SLC9C2: variants seen among roughly 807,000 people sequenced by gnomAD.
SLC9C2 encodes solute carrier family 9 member C2 (putative).
In SLC9C2, 75 loss-of-function variants were observed where a neutral mutation model predicts 140.2. The ratio of observed to expected loss-of-function variants is 0.53; its 90% CI spans 0.44 to 0.65. The LOEUF is 0.65. Among genes scored for constraint, SLC9C2 ranks in the 30% least tolerant of loss-of-function variants. SLC9C2 has a pLI of 0.00. For synonymous variants in SLC9C2, 375 were observed against 420.9 expected (o/e 0.89, Z 1.34); for missense variants, 1,074 against 1,331.8 (o/e 0.81, Z 3.01).
At position 173,537,592 on chromosome 1, in the gene SLC9C2, G is replaced by A. The variant is rs1458820447; in HGVS notation, c.1558-553C>T. ...TTTATATGTGTGTGTGTATATATAT[G>A]TGTGTGTATATATATGTATATATAT... On this transcript the variant is annotated intron_variant, in intron 13 of 27. Transcript: ENST00000367714. Among the ~76,000 whole-genome samples the A allele has an allele frequency of 6.9e-5, 9 of 130,308 alleles. No homozygotes were observed. In the Admixed American group the frequency reaches 7.0e-4, roughly 10 times the overall value. 85.5% of individuals were successfully genotyped at this position (130,308 alleles called of 152,430 possible).
chr1:173,590,135 C>T (rs1278907805), intron 4 of SLC9C2, among the ~76,000 whole-genome samples: 3 of 151,216 alleles, frequency 2.0e-5, no homozygotes, highest in Non-Finnish European at 4.4e-5. Flanking sequence ...CCTAGCTGCT[C>T]AGGAGGCTGA....
At chr1:173,523,710 A>G (rs577871079) in intron 21 of SLC9C2, among the ~76,000 whole-genome samples, 2 of 152,370 alleles carry the variant, frequency 1.3e-5, no homozygotes, top group South Asian at 2.1e-4. Context: ...GAACTCTACA[A>G]CATAAAATAG....
chr1:173,599,615 C>CT (rs561361551), intron 3 of SLC9C2, among the ~76,000 whole-genome samples: 110 of 144,726 alleles, frequency 7.6e-4, no homozygotes, highest in East Asian at 1.4e-3. Flanking sequence ...TTCTTTCCTT[C>CT]TTTTTTTTTT....
chr1:173,526,778 A>T (rs1661232940), intron 18 of SLC9C2, 64 bp from the exon 19 acceptor site: 1 of 1,125,148 alleles, frequency 8.9e-7, no homozygotes, highest in Non-Finnish European at 1.3e-6. Flanking sequence ...AGAAATTAAG[A>T]AAAACATGCA....
chr1:173,502,272 CAAAA>C (rs34183286), intron 27 of SLC9C2, among the ~76,000 whole-genome samples: 73 of 40,774 alleles, frequency 1.8e-3, no homozygotes, highest in Non-Finnish European at 2.8e-3. Context: ...GATTCCATCT[CAAAA>C]AAAAAAAAAA....
Position 173,501,013 on chromosome 1 carries a change from G to A in SLC9C2, c.*81C>T, listed in dbSNP as rs904414003. On this transcript the variant is annotated 3_prime_UTR_variant, in exon 28 of 28. Coordinates refer to ENST00000367714, the MANE Select transcript of SLC9C2 (RefSeq NM_178527.4). ...AGATAATCCTTTAGTATTTGAGCGAGGAAAGTAGTTTGGTCTTTAACCTGA... is the reference window on the plus strand; with the variant it reads ...AGATAATCCTTTAGTATTTGAGCGAAGAAAGTAGTTTGGTCTTTAACCTGA... 10 of 1,385,892 alleles carry A rather than the reference G, an allele frequency of 7.2e-6. No homozygotes were observed. The highest frequency in any genetic ancestry group is 9.5e-6 in the Non-Finnish European group (10 of 1,057,862). The allele number at this position is 1,385,892 out of a possible 1,614,324, so 85.8% of individuals were successfully genotyped here.
At chr1:173,530,737 T>C (rs1263133682) in intron 17 of SLC9C2, among the ~76,000 whole-genome samples, 1 of 152,040 alleles carries the variant, frequency 6.6e-6, no homozygotes, top group African/African-American at 2.4e-5. Flanking sequence ...GAGGGGCTCC[T>C]CAAAATCCAC....
intron 18 of SLC9C2, 127 bp from the exon 19 acceptor site, chr1:173,526,841 C>A: frequency 1.4e-6 from 1 of 697,428 alleles, no homozygotes; most frequent in Non-Finnish European, 2.3e-6. Context: ...ATAGTTCTGG[C>A]TTTCCTTTTA....
chr1:173,530,175 A>G (rs1661484415), intron 17 of SLC9C2, 121 bp from the exon 18 acceptor site: 1 of 853,314 alleles, frequency 1.2e-6, no homozygotes, highest in East Asian at 2.7e-5. Context: ...CAAACTTGTT[A>G]GGAATGCAAA....
At chr1:173,571,790 T>C (rs1411677577) in intron 9 of SLC9C2, 2 of 152,230 alleles carry the variant, frequency 1.3e-5, no homozygotes, top group African/African-American at 4.8e-5. Context: ...AATTAACAAA[T>C]ACAGTGGTGG....
At chr1:173,502,355 C>T (rs1000897069) in intron 27 of SLC9C2, among the ~76,000 whole-genome samples, 2 of 151,500 alleles carry the variant, frequency 1.3e-5, no homozygotes, top group Non-Finnish European at 2.9e-5. Context: ...GTCCTTGAAG[C>T]CTGTGCTTAG....
At chr1:173,581,469 T>G (rs112765833) in intron 7 of SLC9C2, among the ~76,000 whole-genome samples, 1 of 152,204 alleles carries the variant, frequency 6.6e-6, no homozygotes. Flanking sequence ...GCTGTTGATC[T>G]AGAAAAGCCT....
Position 173,532,953 on chromosome 1 carries a change from A to C in SLC9C2, c.2163+656T>G, listed in dbSNP as rs7524326. On this transcript the variant is annotated intron_variant, in intron 17 of 27. Transcript: ENST00000367714. ...CAGAGAGTACATACAATATACAGTA[A>C]ATTGCTGATAAGTACTGTGGGGCAA... Among the ~76,000 whole-genome samples the C allele has an allele frequency of 8.3e-3, 1,266 of 152,282 alleles. 18 individuals are homozygous for C. Among genetic ancestry groups the C allele is most frequent in the African/African-American group, 0.029 (1,216 of 41,536 alleles).
At chr1:173,524,130 C>T (rs1661027240) in intron 20 of SLC9C2, 36 bp from the exon 21 acceptor site, 1 of 1,557,428 alleles carries the variant, frequency 6.4e-7, no homozygotes, top group Non-Finnish European at 8.7e-7. Flanking sequence ...GGGATCAGAT[C>T]CTGTAACAGA....
At chr1:173,507,148 G>T in intron 24 of SLC9C2, 107 bp from the exon 25 acceptor site, 1 of 866,870 alleles carries the variant, frequency 1.2e-6, no homozygotes, top group Admixed American at 2.6e-5. Flanking sequence ...GTGTCAGAAG[G>T]TACACAGCCC....
At chr1:173,536,472 C>T (rs2102006274) in intron 14 of SLC9C2, among the ~76,000 whole-genome samples, 1 of 152,304 alleles carries the variant, frequency 6.6e-6, no homozygotes, top group Admixed American at 6.5e-5. Context: ...TCCCACCAGA[C>T]TTAATTGCAC....
chr1:173,537,436 C>A (rs1311423185), intron 13 of SLC9C2, among the ~76,000 whole-genome samples: 1 of 152,012 alleles, frequency 6.6e-6, no homozygotes, highest in East Asian at 1.9e-4. Context: ...ATGGCGCATG[C>A]TTGTAATCCC....
rs200344519 is a variant in SLC9C2, at chr1:173,531,068, G to GT, written c.2164-1015dup. On this transcript the variant is annotated intron_variant, in intron 17 of 27. Transcript: ENST00000367714. ...CTTTCACGTTTTCCAATGCAGATTT[G>GT]TTTTTTTTGAAAGCCACATTATGCT... 3.1e-4 allele frequency among the ~76,000 whole-genome samples: 47 copies of GT among 151,942 alleles called. No homozygotes were observed. In the East Asian group the frequency reaches 4.2e-3, roughly 14 times the overall value.
intron 4 of SLC9C2, among the ~76,000 whole-genome samples, chr1:173,592,973 C>A (rs1339906301): frequency 6.6e-6 from 1 of 152,130 alleles, no homozygotes; most frequent in African/African-American, 2.4e-5. Flanking sequence ...CCTACCCAGC[C>A]AAACTAAACT....
Sources: gnomAD v4.1 joint callset for allele counts (sites outside exome capture counted in the v4.1 genomes callset) on GRCh38, gnomAD v4.1.1 for gene constraint, MANE v1.5 for transcripts, NCBI Gene and HGNC (gene_info 2026-07-23, HGNC 2026-07-21) for gene names.